The following ZFYVE9 variants were observed in gnomAD, a reference collection of about 807,000 sequenced individuals.
ZFYVE9 encodes zinc finger FYVE-type containing 9.
ZFYVE9 carries 43 observed loss-of-function variants against 126.7 expected under a neutral mutation model. The observed-to-expected ratio is 0.34, with a 90% CI of 0.27 to 0.44. The LOEUF (loss-of-function observed/expected upper bound fraction) is 0.44, where lower values mean the gene tolerates loss of function less well. Ranked by LOEUF, ZFYVE9 falls within the 20% of genes least tolerant of loss-of-function variation. The pLI is 1.00. For missense variants in ZFYVE9, 1,476 were observed against 1,697.0 expected (o/e 0.87, Z 2.29); for synonymous variants, 521 against 597.4 (o/e 0.87, Z 1.87).
At chr1:52,306,191 G>A (rs894901761) in intron 13 of ZFYVE9, among the ~76,000 whole-genome samples, 3 of 152,098 alleles carry the variant, frequency 2.0e-5, no homozygotes, top group Non-Finnish European at 2.9e-5. Context: ...TGCACCAGTC[G>A]GTGCATGCTT....
chr1:52,190,673 A>G (rs1330722267), intron 1 of ZFYVE9, among the ~76,000 whole-genome samples: 2 of 152,216 alleles, frequency 1.3e-5, no homozygotes, highest in African/African-American at 2.4e-5. Flanking sequence ...GTGGTTCATT[A>G]TAAGGGTCTG....
intron 3 of ZFYVE9, among the ~76,000 whole-genome samples, chr1:52,235,897 C>G (rs1484100349): frequency 6.6e-6 from 1 of 152,140 alleles, no homozygotes; most frequent in Non-Finnish European, 1.5e-5. Flanking sequence ...TGAGTCCTCA[C>G]TTGATGTCTT....
At chr1:52,295,821 T>C (rs1645968379) in intron 11 of ZFYVE9, 74 bp from the exon 12 acceptor site, 2 of 1,234,554 alleles carry the variant, frequency 1.6e-6, no homozygotes, top group African/African-American at 3.0e-5. Context: ...TTGAAAATTG[T>C]ATTAGTCATG....
chr1:52,311,661 A>G (rs1646138092), intron 13 of ZFYVE9, among the ~76,000 whole-genome samples: 2 of 152,198 alleles, frequency 1.3e-5, no homozygotes, highest in African/African-American at 2.4e-5. Context: ...TGACATTTCA[A>G]TCACGTGTCA....
chr1:52,189,129 G>A (rs554601167), intron 1 of ZFYVE9, among the ~76,000 whole-genome samples: 5 of 151,808 alleles, frequency 3.3e-5, no homozygotes, highest in Admixed American at 1.3e-4. Context: ...TAGAGATGGG[G>A]TTTCACCATA....
chr1:52,175,392 T>A (rs1201801537), intron 1 of ZFYVE9, among the ~76,000 whole-genome samples: 5 of 151,968 alleles, frequency 3.3e-5, no homozygotes, highest in Non-Finnish European at 5.9e-5. Flanking sequence ...TCTGATGGGC[T>A]TCCCTTTGTG....
intron 1 of ZFYVE9, among the ~76,000 whole-genome samples, chr1:52,177,389 C>T (rs1644645775): frequency 6.6e-6 from 1 of 152,144 alleles, no homozygotes; most frequent in African/African-American, 2.4e-5. Context: ...ACCTCATGAT[C>T]CATCCGCCTC....
intron 1 of ZFYVE9, among the ~76,000 whole-genome samples, chr1:52,205,379 G>GT (rs998792577): frequency 2.4e-4 from 36 of 150,022 alleles, no homozygotes; most frequent in Admixed American, 6.7e-4. Flanking sequence ...CCAGCTTTTT[G>GT]TTTTTTTTTA....
At chr1:52,150,431 T>G (rs1173182446) in intron 1 of ZFYVE9, 2 of 146,216 alleles carry the variant, frequency 1.4e-5, no homozygotes, top group Admixed American at 6.8e-5. Context: ...AATAGATAGA[T>G]AGATAGATGA....
intron 1 of ZFYVE9, among the ~76,000 whole-genome samples, chr1:52,149,738 C>T (rs1247798374): frequency 1.3e-5 from 2 of 152,170 alleles, no homozygotes; most frequent in African/African-American, 2.4e-5. Flanking sequence ...CGTGATCCAC[C>T]TGCTTTGGCC....
chr1:52,301,354 T>A (rs1646033067), intron 12 of ZFYVE9, among the ~76,000 whole-genome samples: 1 of 137,524 alleles, frequency 7.3e-6, no homozygotes, highest in Admixed American at 8.7e-5. Flanking sequence ...CAGGCTGGAG[T>A]GCAGTGGCAC....
chr1:52,293,566 G>C lies in ZFYVE9; in HGVS notation c.3139G>C (p.Val1047Leu), dbSNP rs760674664. The C allele has an allele frequency of 2.5e-6, 4 of 1,614,060 alleles. No individual in the cohort carries two copies. The highest frequency in any genetic ancestry group is 2.5e-6 in the Non-Finnish European group (3 of 1,180,014). Residue 1047 changes from valine (V) to leucine (L), a missense_variant, in exon 11 of 19, where the codon GTA becomes CTA. Physicochemically the swap from Val to Leu is conservative, Grantham distance 32. This residue lies in a region of ZFYVE9 where 669 missense variants were observed against 902.4 expected (regional missense o/e 0.74). Coordinates refer to ENST00000287727, the MANE Select transcript of ZFYVE9 (RefSeq NM_004799.4). The stretch of plus-strand genomic sequence containing the variant: ...TACCTACCAGTCACTGCAAGACCTA[G>C]TACTCCCAACCCCACCTTACTTGTT... ...TSTYQSLQDL[V>L]LPTPPYLFGI...
intron 4 of ZFYVE9, among the ~76,000 whole-genome samples, chr1:52,246,054 A>T (rs1645381180): frequency 6.6e-6 from 1 of 151,870 alleles, no homozygotes; most frequent in African/African-American, 2.4e-5. Flanking sequence ...CAGCCTCCTG[A>T]GCAGCTGGGA....
At chr1:52,254,283 A>C (rs1645481229) in intron 4 of ZFYVE9, 1 of 182,210 alleles carries the variant, frequency 5.5e-6, no homozygotes, top group African/African-American at 2.3e-5. Flanking sequence ...GTTATTTGCA[A>C]CTTTATATAT....
At chr1:52,182,342 A>G (rs1468377414) in intron 1 of ZFYVE9, among the ~76,000 whole-genome samples, 1 of 151,966 alleles carries the variant, frequency 6.6e-6, no homozygotes, top group Non-Finnish European at 1.5e-5. Flanking sequence ...GAGAAATCAG[A>G]TGGTTGCTGT....
rs1294799080 is a variant in ZFYVE9, at chr1:52,274,575, G to A, written c.2737G>A (p.Val913Ile). The change falls in exon 8 of 19, where the codon GTA becomes ATA. Residue 913 changes from valine to isoleucine, a missense_variant. This residue lies in a region of ZFYVE9 where 669 missense variants were observed against 902.4 expected (regional missense o/e 0.74). Transcript: ENST00000287727. ...TCCTCCCATTCTCATCTCCACTGGTGTAAAAGGAGGTAAGTGGACTACATA... is the reference window on the plus strand; with the variant it reads ...TCCTCCCATTCTCATCTCCACTGGTATAAAAGGAGGTAAGTGGACTACATA... ...GLPPILISTG[V>I]KGDYAVEEKP... The A allele has an allele frequency of 1.2e-6, 2 of 1,607,822 alleles. No homozygotes were observed. Among genetic ancestry groups the A allele is most frequent in the Admixed American group, 3.3e-5 (2 of 59,924 alleles).
Position 52,237,495 on chromosome 1 carries a change from A to C in ZFYVE9, c.78A>C (p.Thr26=), listed in dbSNP as rs1001424795. Residue 26 remains threonine (T), a synonymous_variant, in exon 4 of 19, where the codon ACA becomes ACC. Transcript: ENST00000287727. ...LDEFEQNEDE[T]VSSTLLDTKW... is the part of the protein sequence containing the mutation. ...TTACTTATTTTTTTCCAGATGAAAC[A>C]GTTTCTTCTACTTTATTGGATACAA... is the stretch of plus-strand genomic sequence containing the variant. 5 of 1,591,428 alleles carry C rather than the reference A, an allele frequency of 3.1e-6. No individual in the cohort carries two copies. The African/African-American group carries it at 6.8e-5, about 21-fold the overall frequency.
At chr1:52,215,985 G>A (rs1228150748) in intron 1 of ZFYVE9, among the ~76,000 whole-genome samples, 2 of 152,104 alleles carry the variant, frequency 1.3e-5, no homozygotes, top group Non-Finnish European at 2.9e-5. Flanking sequence ...CACACTAGAA[G>A]GACATTCTTG....
Position 52,332,812 on chromosome 1 carries a change from A to G in ZFYVE9, c.3483A>G (p.Gly1161=). 6.2e-7 allele frequency: 1 copy of G among 1,614,144 alleles called. No individual in the cohort carries two copies. Among genetic ancestry groups the G allele is most frequent in the South Asian group, 1.1e-5 (1 of 91,078 alleles). The change falls in exon 14 of 19, where the codon GGA becomes GGG. Residue 1161 remains glycine (G), a synonymous_variant. Coordinates refer to ENST00000287727, the MANE Select transcript of ZFYVE9 (RefSeq NM_004799.4). ...AGTCCAATGAGCATGTCCTGGCAGGAGGTGCCTGCTTCAATGAAAAGGCAG... is the reference window on the plus strand; with the variant it reads ...AGTCCAATGAGCATGTCCTGGCAGGGGGTGCCTGCTTCAATGAAAAGGCAG... ...MNKSNEHVLA[G]GACFNEKADS...
Sources: gnomAD v4.1 joint callset for allele counts (sites outside exome capture counted in the v4.1 genomes callset) on GRCh38, gnomAD v4.1.1 for gene constraint, gnomAD v4.1.1 regional missense constraint, MANE v1.5 for transcripts, NCBI Gene and HGNC (gene_info 2026-07-23, HGNC 2026-07-21) for gene names.